The following NCOA7 variants were observed in gnomAD, a reference collection of about 807,000 sequenced individuals.
NCOA7 encodes 140 kDa estrogen receptor-associated protein.
A neutral mutation model predicts 104.3 loss-of-function variants in NCOA7; 45 were observed. That is an observed-to-expected ratio of 0.43 (90% CI 0.34 to 0.55). NCOA7 has a LOEUF of 0.55. Among genes scored for constraint, NCOA7 ranks in the 20% least tolerant of loss-of-function variants. NCOA7 has a pLI of 0.02. For synonymous variants in NCOA7, 398 were observed against 402.3 expected, an observed-to-expected ratio of 0.99 and a Z score of 0.13; for missense variants, 1,041 against 1,119.7, an observed-to-expected ratio of 0.93 and a Z score of 1.00.
intron 3 of NCOA7, among the ~76,000 whole-genome samples, chr6:125,856,767 T>C (rs577756698): frequency 6.6e-6 from 1 of 152,250 alleles, no homozygotes; most frequent in African/African-American, 2.4e-5. Flanking sequence ...GGGCAGTCAC[T>C]AAGAACACAC....
intron 3 of NCOA7, among the ~76,000 whole-genome samples, chr6:125,873,932 T>G (rs949372175): frequency 6.6e-6 from 1 of 152,196 alleles, no homozygotes; most frequent in Non-Finnish European, 1.5e-5. Context: ...GGTTCTGGGG[T>G]TTCTGATATC....
intron 3 of NCOA7, among the ~76,000 whole-genome samples, chr6:125,857,685 C>T (rs978611503): frequency 6.6e-6 from 1 of 151,988 alleles, no homozygotes; most frequent in Non-Finnish European, 1.5e-5. Flanking sequence ...CTCAGCCTCT[C>T]GAGTAGCTGG....
chr6:125,787,056 A>C (rs1007015732), upstream of NCOA7, among the ~76,000 whole-genome samples: 15 of 151,726 alleles, frequency 9.9e-5, no homozygotes, highest in Admixed American at 9.8e-4. Flanking sequence ...CTGAGGTGGG[A>C]AGATCAATGG....
chr6:125,831,925 T>C (rs780318257), intron 2 of NCOA7, among the ~76,000 whole-genome samples: 9 of 152,236 alleles, frequency 5.9e-5, no homozygotes, highest in Admixed American at 2.0e-4. Flanking sequence ...GCCTGCCCAT[T>C]AGAAACTTGA....
chr6:125,921,671 A>G (rs1359201520), intron 12 of NCOA7, among the ~76,000 whole-genome samples: 2 of 152,150 alleles, frequency 1.3e-5, no homozygotes, highest in African/African-American at 2.4e-5. Flanking sequence ...CATAGTCCTA[A>G]TATGCTTTAA....
At chr6:125,849,864 A>G (rs543627412) in intron 2 of NCOA7, among the ~76,000 whole-genome samples, 5 of 152,182 alleles carry the variant, frequency 3.3e-5, no homozygotes, top group Non-Finnish European at 7.3e-5. Flanking sequence ...ATTATTTTTC[A>G]GTCACTCATC....
chr6:125,923,613 T>C (rs184444751), intron 13 of NCOA7, among the ~76,000 whole-genome samples: 1 of 152,344 alleles, frequency 6.6e-6, no homozygotes, highest in East Asian at 1.9e-4. Context: ...TCCTCTAAGA[T>C]TTTAAGATGC....
chr6:125,889,356 C>T lies in NCOA7; in HGVS notation c.1302C>T (p.Asp434=). 1 of 1,614,114 alleles carries T rather than the reference C, an allele frequency of 6.2e-7. No individual in the cohort carries two copies. Among genetic ancestry groups the T allele is most frequent in the Non-Finnish European group, 8.5e-7 (1 of 1,179,982 alleles). ...CTGGTGGTGGAATGCACAAAAAAGA[C>T]ACCTTGAAGGAGTGCCTTTCTCTTG... ...SQTGGGMHKK[D]TLKECLSLDP... The change falls in exon 9 of 16, where the codon GAC becomes GAT. Residue 434 remains aspartate, a synonymous_variant. Coordinates refer to ENST00000392477, the MANE Select transcript of NCOA7 (RefSeq NM_181782.5).
At chr6:125,797,673 T>A (rs1775465338) in intron 1 of NCOA7, among the ~76,000 whole-genome samples, 1 of 152,150 alleles carries the variant, frequency 6.6e-6, no homozygotes, top group Non-Finnish European at 1.5e-5. Flanking sequence ...ATTGGATAAG[T>A]GTCACCCCTG....
At chr6:125,914,202 CTAAA>C (rs1341916988) in intron 10 of NCOA7, among the ~76,000 whole-genome samples, 2 of 151,994 alleles carry the variant, frequency 1.3e-5, no homozygotes, top group African/African-American at 4.9e-5. Context: ...TACAAACAAA[CTAAA>C]TATCCTGACA....
At chr6:125,923,890 G>T (rs1010570274) in intron 13 of NCOA7, among the ~76,000 whole-genome samples, 2 of 152,078 alleles carry the variant, frequency 1.3e-5, no homozygotes, top group Non-Finnish European at 2.9e-5. Flanking sequence ...GGAACAAATG[G>T]GGGTACCAAA....
At position 125,858,853 on chromosome 6, in the gene NCOA7, G is replaced by A. The variant is rs975172741; in HGVS notation, c.271+3613G>A. ...TGGCTCTCCCAGCGTCTGACCTGGC[G>A]TGTTTCTCAGTCCCATCCCAAGGCG... On this transcript the variant is annotated intron_variant, in intron 3 of 15. Transcript: ENST00000392477. Among the ~76,000 whole-genome samples, 7 of 152,010 alleles carry A rather than the reference G, an allele frequency of 4.6e-5. No homozygotes were observed. The South Asian group carries it at 8.3e-4, about 18-fold the overall frequency.
intron 2 of NCOA7, among the ~76,000 whole-genome samples, chr6:125,837,578 T>A (rs1779717258): frequency 6.6e-6 from 1 of 152,176 alleles, no homozygotes; most frequent in African/African-American, 2.4e-5. Context: ...TATCTCCTCA[T>A]GTCCTTACCT....
At chr6:125,815,211 T>C (rs1777476829) in intron 1 of NCOA7, 80 bp from the exon 2 acceptor site, 1 of 525,390 alleles carries the variant, frequency 1.9e-6, no homozygotes, top group African/African-American at 2.0e-5. Flanking sequence ...TTAGTCCATG[T>C]AGTTCTACTC....
At chr6:125,849,597 G>A (rs541175912) in intron 2 of NCOA7, among the ~76,000 whole-genome samples, 1 of 152,006 alleles carries the variant, frequency 6.6e-6, no homozygotes, top group African/African-American at 2.4e-5. Flanking sequence ...CATAATAAAA[G>A]AAGAAAAATA....
At chr6:125,787,599 A>G (rs1215456724), upstream of NCOA7, among the ~76,000 whole-genome samples, 1 of 152,220 alleles carries the variant, frequency 6.6e-6, no homozygotes, top group Non-Finnish European at 1.5e-5. Flanking sequence ...TGCAAAAGTT[A>G]AATGACAAAT....
At chr6:125,802,846 C>T (rs1194596726) in intron 1 of NCOA7, among the ~76,000 whole-genome samples, 1 of 152,154 alleles carries the variant, frequency 6.6e-6, no homozygotes. Context: ...TTGAATATTA[C>T]ACACATAATT....
intron 2 of NCOA7, among the ~76,000 whole-genome samples, chr6:125,849,308 A>T (rs1388648451): frequency 6.6e-6 from 1 of 152,248 alleles, no homozygotes; most frequent in East Asian, 1.9e-4. Context: ...TGCCTACACC[A>T]TTATAATATA....
At chr6:125,793,873 G>A (rs909005542) in intron 1 of NCOA7, among the ~76,000 whole-genome samples, 5 of 152,312 alleles carry the variant, frequency 3.3e-5, no homozygotes, top group African/African-American at 1.2e-4. Context: ...CCCCTCAACA[G>A]TGATACAAAA....
Sources: allele counts gnomAD v4.1 joint callset (sites outside exome capture counted in the v4.1 genomes callset), GRCh38; gene constraint gnomAD v4.1.1; transcripts MANE v1.5; gene names NCBI Gene and HGNC (gene_info 2026-07-23, HGNC 2026-07-21).